Variants in SGCD observed in about 807,000 individuals in gnomAD.
SGCD encodes delta-sarcoglycan.
In SGCD, 18 loss-of-function variants were observed where a neutral mutation model predicts 36.6. The observed-to-expected ratio is 0.49, with a 90% CI of 0.34 to 0.73. The LOEUF (loss-of-function observed/expected upper bound fraction) is 0.73. Ranked by LOEUF, SGCD falls within the 30% of genes least tolerant of loss-of-function variation. The probability of loss-of-function intolerance (pLI) is 0.01; values close to 1 mark genes in which losing one functional copy is unlikely to be tolerated. For synonymous variants in SGCD, 133 were observed against 130.6 expected, an observed-to-expected ratio of 1.02 and a Z score of -0.12; for missense variants, 387 against 346.7, an observed-to-expected ratio of 1.12 and a Z score of -0.92.
At chr5:156,002,049 C>T (rs951856851) in intron 1 of SGCD, among the ~76,000 whole-genome samples, 6 of 152,212 alleles carry the variant, frequency 3.9e-5, no homozygotes, top group Non-Finnish European at 7.3e-5. Flanking sequence ...GATAAGATGA[C>T]GTTACAGACT....
At chr5:155,903,941 G>GT (rs1314335987) in intron 1 of SGCD, among the ~76,000 whole-genome samples, 3 of 152,134 alleles carry the variant, frequency 2.0e-5, no homozygotes, top group African/African-American at 7.2e-5. Flanking sequence ...CTTTGGCTGC[G>GT]TGTCAGAAGG....
At chr5:155,956,797 G>GC (rs35423272) in intron 1 of SGCD, among the ~76,000 whole-genome samples, 3,362 of 143,174 alleles carry the variant, frequency 0.023, 90 homozygotes, top group African/African-American at 0.063. Flanking sequence ...TGGACTCAGG[G>GC]CCCCCCCCCC....
chr5:156,273,389 G>C (rs1418004500), intron 3 of SGCD, among the ~76,000 whole-genome samples: 1 of 152,216 alleles, frequency 6.6e-6, no homozygotes, highest in African/African-American at 2.4e-5. Flanking sequence ...GCAATGCCAA[G>C]ATTAGCGATA....
At chr5:156,617,608 A>G (rs73299195) in intron 6 of SGCD, among the ~76,000 whole-genome samples, 5,430 of 152,246 alleles carry the variant, frequency 0.036, 326 homozygotes, top group African/African-American at 0.12. Context: ...AGCCAGGCAA[A>G]AAGCCCACAA....
At chr5:156,623,459 T>C (rs1279585583) in intron 6 of SGCD, among the ~76,000 whole-genome samples, 2 of 152,216 alleles carry the variant, frequency 1.3e-5, no homozygotes, top group African/African-American at 4.8e-5. Context: ...TATAAGACTG[T>C]AGCACTGACA....
At chr5:156,526,012 C>G (rs1757627137) in intron 4 of SGCD, among the ~76,000 whole-genome samples, 1 of 152,074 alleles carries the variant, frequency 6.6e-6, no homozygotes, top group African/African-American at 2.4e-5. Flanking sequence ...AATTTGTAAT[C>G]AGGACATATG....
chr5:155,791,693 T>C, the SGCD span, among the ~76,000 whole-genome samples: 4 of 151,846 alleles, frequency 2.6e-5, no homozygotes, highest in Non-Finnish European at 5.9e-5. Flanking sequence ...TAGGAATACA[T>C]CTAACCAAGG....
chr5:156,229,277 C>CATATATATATATATATATATATGTAT (rs1764943952), intron 3 of SGCD, among the ~76,000 whole-genome samples: 2 of 56,502 alleles, frequency 3.5e-5, no homozygotes, highest in Non-Finnish European at 6.6e-5. Context: ...TATATACATA[C>CATATATATATATATATATATATGTAT]ATATATATAT....
chr5:155,868,129 A>G (rs934488341), upstream of SGCD, among the ~76,000 whole-genome samples: 2 of 151,408 alleles, frequency 1.3e-5, no homozygotes, highest in African/African-American at 4.9e-5. Context: ...ATGACTCACT[A>G]CAACCTCTGC....
intron 1 of SGCD, among the ~76,000 whole-genome samples, chr5:155,881,063 T>A (rs1038401854): frequency 6.6e-6 from 1 of 152,102 alleles, no homozygotes; most frequent in Non-Finnish European, 1.5e-5. Context: ...TAATAAAATG[T>A]TTTTATTTTA....
At chr5:155,924,460 G>A (rs184247723) in intron 1 of SGCD, among the ~76,000 whole-genome samples, 165 of 152,330 alleles carry the variant, frequency 1.1e-3, no homozygotes, top group African/African-American at 3.6e-3. Flanking sequence ...CTTAGCCAGA[G>A]AGAGCCCCAT....
chr5:155,908,870 C>T (rs1043697428), intron 1 of SGCD, among the ~76,000 whole-genome samples: 9 of 152,204 alleles, frequency 5.9e-5, no homozygotes, highest in East Asian at 3.9e-4. Flanking sequence ...CTTCAAAAAG[C>T]GCAATCTACC....
At chr5:155,850,724 C>A in the SGCD span, among the ~76,000 whole-genome samples, 24 of 152,124 alleles carry the variant, frequency 1.6e-4, no homozygotes, top group Non-Finnish European at 7.4e-5. Flanking sequence ...TTGCTTTGCT[C>A]CTTGTCTTTC....
intron 3 of SGCD, among the ~76,000 whole-genome samples, chr5:156,461,067 A>G (rs1581027125): frequency 6.6e-6 from 1 of 152,152 alleles, no homozygotes; most frequent in East Asian, 1.9e-4. Context: ...CTGCTCACAC[A>G]AAACCGTTTT....
intron 1 of SGCD, among the ~76,000 whole-genome samples, chr5:156,107,535 A>C (rs1761677363): frequency 1.3e-5 from 2 of 152,280 alleles, no homozygotes; most frequent in South Asian, 4.1e-4. Flanking sequence ...CTAATGGTTC[A>C]TATTTAGTCA....
intron 4 of SGCD, among the ~76,000 whole-genome samples, chr5:156,581,316 G>T (rs1760246553): frequency 6.6e-6 from 1 of 152,164 alleles, no homozygotes; most frequent in Admixed American, 6.5e-5. Flanking sequence ...GCACCTGCCT[G>T]TATGAGGTGT....
intron 3 of SGCD, among the ~76,000 whole-genome samples, chr5:156,469,879 C>A (rs1165140503): frequency 6.6e-6 from 1 of 152,170 alleles, no homozygotes; most frequent in African/African-American, 2.4e-5. Context: ...TCAAATAACA[C>A]ATTCAGAGAT....
chr5:156,042,185 G>GT (rs1464709649), intron 1 of SGCD, among the ~76,000 whole-genome samples: 29 of 138,512 alleles, frequency 2.1e-4, no homozygotes, highest in Non-Finnish European at 3.5e-4. Flanking sequence ...ATTAAAATAG[G>GT]TATTTTTTTT....
chr5:156,366,201 A>C (rs945650115), intron 3 of SGCD, among the ~76,000 whole-genome samples: 4 of 152,214 alleles, frequency 2.6e-5, no homozygotes, highest in African/African-American at 9.7e-5. Context: ...GGGCATGTGG[A>C]GTCTACGGAA....
Sources: gnomAD v4.1 joint callset for allele counts (sites outside exome capture counted in the v4.1 genomes callset) on GRCh38, gnomAD v4.1.1 for gene constraint, MANE v1.5 for transcripts, NCBI Gene and HGNC (gene_info 2026-07-23, HGNC 2026-07-21) for gene names.